Variants in CYB561A3 observed in about 807,000 individuals in gnomAD.
CYB561A3 encodes the protein lysosomal membrane ascorbate-dependent ferrireductase CYB561A3.
In CYB561A3, 16 loss-of-function variants were observed where a neutral mutation model predicts 25.3. The observed-to-expected ratio is 0.63, with a 90% CI of 0.43 to 0.96. CYB561A3 has a LOEUF of 0.96. Among genes scored for constraint, CYB561A3 ranks in the 40% least tolerant of loss-of-function variants. CYB561A3 has a pLI of 0.00. For synonymous variants in CYB561A3, 131 were observed against 129.9 expected (o/e 1.01, Z -0.06); for missense variants, 219 against 307.5 (o/e 0.71, Z 2.15).
Position 61,350,955 on chromosome 11 carries a change from C to G in CYB561A3, c.705+36G>C. 2.5e-6 allele frequency: 4 copies of G among 1,594,888 alleles called. No individual in the cohort carries two copies. In the South Asian group the frequency reaches 3.4e-5, roughly 14 times the overall value. ...GGGAGATCCTTCTCTAGACCTGGCCCTGTCCCACCCTGGAATGTGGGACTG... is the reference window on the plus strand; with the variant it reads ...GGGAGATCCTTCTCTAGACCTGGCCGTGTCCCACCCTGGAATGTGGGACTG... On this transcript the variant is annotated intron_variant, in intron 6 of 6. Transcript: ENST00000294072.
chr11:61,350,646 T>C, intron 6 of CYB561A3: 1 of 613,230 alleles, frequency 1.6e-6, no homozygotes, highest in South Asian at 2.1e-5. Context: ...CCCATCCCAC[T>C]AGACTAGCCC....
rs1857389240 is a variant in CYB561A3 at position 61,351,164 on chromosome 11, A to C, written c.549-17T>G. ...GTGTTTTTCCTGAAGATGACAAAACAATGTGAGCCCTCGAGAGATTTTTCC... is the reference window on the plus strand; with the variant it reads ...GTGTTTTTCCTGAAGATGACAAAACCATGTGAGCCCTCGAGAGATTTTTCC... On this transcript the variant is annotated splice_polypyrimidine_tract_variant and intron_variant, in intron 5 of 6. Transcript: ENST00000294072. The C allele has an allele frequency of 3.1e-6, 5 of 1,602,718 alleles. No homozygotes were observed. The highest frequency in any genetic ancestry group is 4.3e-6 in the Non-Finnish European group (5 of 1,173,878).
intron 1 of CYB561A3, chr11:61,358,502 A>T (rs1355994591): frequency 6.6e-6 from 1 of 151,696 alleles, no homozygotes; most frequent in Non-Finnish European, 1.5e-5. Context: ...CGGGCAGATC[A>T]TAAGGTCAAG....
chr11:61,349,174 C>T lies in CYB561A3; in HGVS notation c.*1225G>A. 1 of 229,872 alleles carries T rather than the reference C, an allele frequency of 4.4e-6. No individual in the cohort carries two copies. Among genetic ancestry groups the T allele is most frequent in the Non-Finnish European group, 9.0e-6 (1 of 110,506 alleles). The allele number at this position is 229,872 out of a possible 1,614,324, so 14.2% of individuals were successfully genotyped here. ...GCAACACTTAGGAGCAAGACCCTTCCCGCTCTCCACCCTATTTCCTCCCCT... is the reference window on the plus strand; with the variant it reads ...GCAACACTTAGGAGCAAGACCCTTCTCGCTCTCCACCCTATTTCCTCCCCT... On this transcript the variant is annotated 3_prime_UTR_variant, in exon 7 of 7. Transcript: ENST00000294072.
At position 61,349,213 on chromosome 11, in the gene CYB561A3, A is replaced by G. The variant is rs1857283746; in HGVS notation, c.*1186T>C. 1 of 269,144 alleles carries G rather than the reference A, an allele frequency of 3.7e-6. No individual in the cohort carries two copies. The highest frequency in any genetic ancestry group is 5.2e-5 in the South Asian group (1 of 19,136). 16.7% of individuals were successfully genotyped at this position (269,144 alleles called of 1,614,324 possible). On this transcript the variant is annotated 3_prime_UTR_variant, in exon 7 of 7. Transcript: ENST00000294072. ...ATTTCCTCCCCTGAAGAAGAGCAAC[A>G]GCTCAAGCTCTAGCATGGCACAGAA...
intron 1 of CYB561A3, chr11:61,359,258 G>T (rs1447167693): frequency 6.6e-6 from 1 of 151,748 alleles, no homozygotes; most frequent in East Asian, 1.9e-4. Context: ...AAGGTCCAAG[G>T]GCTGCAGGGA....
At chr11:61,352,886 C>A in intron 5 of CYB561A3, 99 bp downstream of exon 5, 1 of 1,587,346 alleles carries the variant, frequency 6.3e-7, no homozygotes, top group Non-Finnish European at 8.6e-7. Flanking sequence ...ACCCCAAAAT[C>A]TCTCCTCCCT....
Position 61,349,711 on chromosome 11 carries a change from C to T in CYB561A3, c.*688G>A. 1 of 693,694 alleles carries T rather than the reference C, an allele frequency of 1.4e-6. No individual in the cohort carries two copies. Among genetic ancestry groups the T allele is most frequent in the Non-Finnish European group, 2.6e-6 (1 of 378,118 alleles). 43.0% of individuals were successfully genotyped at this position (693,694 alleles called of 1,614,324 possible). A position where few individuals can be genotyped will look rare whatever the true frequency, so the allele number is the denominator to read the frequency against. On this transcript the variant is annotated 3_prime_UTR_variant, in exon 7 of 7. Coordinates refer to ENST00000294072, the MANE Select transcript of CYB561A3 (RefSeq NM_153611.6). ...AGAGCAGCAATACGAAACAGAACAG[C>T]TCAGAGCGGTCAGCTCCTCAGCAGA...
At chr11:61,356,355 C>G in intron 3 of CYB561A3, 175 bp downstream of exon 3, 1 of 843,146 alleles carries the variant, frequency 1.2e-6, no homozygotes, top group Non-Finnish European at 1.8e-6. Context: ...TTCTGAGATG[C>G]CCCCCATCTT....
At chr11:61,355,947 C>G (rs1052979241) in intron 3 of CYB561A3, 3 of 152,086 alleles carry the variant, frequency 2.0e-5, no homozygotes, top group African/African-American at 7.3e-5. Flanking sequence ...AAAAAATTAG[C>G]CGGTCACGGT....
At chr11:61,359,681 T>C (rs1016869733) in intron 1 of CYB561A3, 2 of 152,188 alleles carry the variant, frequency 1.3e-5, no homozygotes, top group African/African-American at 4.8e-5. Context: ...AATACACAGA[T>C]AAGCCCTCCT....
chr11:61,361,150 G>A (rs950103607), intron 1 of CYB561A3: 4 of 152,168 alleles, frequency 2.6e-5, no homozygotes, highest in Non-Finnish European at 5.9e-5. Flanking sequence ...TAGGATACAA[G>A]CCCTAAACCC....
At chr11:61,356,371 C>T (rs773001975) in intron 3 of CYB561A3, 159 bp downstream of exon 3, 9 of 964,206 alleles carry the variant, frequency 9.3e-6, no homozygotes, top group Middle Eastern at 8.1e-4. Flanking sequence ...ATCTTAACCC[C>T]TTCCTCCCCC....
chr11:61,351,901 G>A (rs1349079860), intron 5 of CYB561A3: 1 of 152,188 alleles, frequency 6.6e-6, no homozygotes, highest in Non-Finnish European at 1.5e-5. Context: ...GCAACAGAGT[G>A]AGATGCTATC....
intron 4 of CYB561A3, 51 bp downstream of exon 4, chr11:61,353,733 C>G (rs185871031): frequency 1.3e-6 from 2 of 1,596,120 alleles, no homozygotes; most frequent in East Asian, 4.5e-5. Flanking sequence ...GAACCCCCAA[C>G]CAGAGCTCAT....
intron 2 of CYB561A3, chr11:61,357,198 A>G (rs965460509): frequency 3.9e-6 from 6 of 1,551,306 alleles, no homozygotes; most frequent in Admixed American, 3.9e-5. Context: ...ACACCCCACT[A>G]TTACCCTAGA....
rs891379815 is a variant in CYB561A3, at chr11:61,349,865, T to C, written c.*534A>G. 1 of 561,820 alleles carries C rather than the reference T, an allele frequency of 1.8e-6. No homozygotes were observed. Among genetic ancestry groups the C allele is most frequent in the Non-Finnish European group, 3.2e-6 (1 of 311,360 alleles). 34.8% of individuals were successfully genotyped at this position (561,820 alleles called of 1,614,324 possible). On this transcript the variant is annotated 3_prime_UTR_variant, in exon 7 of 7. Coordinates refer to ENST00000294072, the MANE Select transcript of CYB561A3 (RefSeq NM_153611.6). ...CTGTGGCGGGGCAGCCTAACTGAAA[T>C]GCACACCTTTATGGGGGAAGTGGAC...
Position 61,350,058 on chromosome 11 carries a change from T to TGACGCCAAGGAGTGCA in CYB561A3, c.*325_*340dup. On this transcript the variant is annotated 3_prime_UTR_variant, in exon 7 of 7. Transcript: ENST00000294072. ...CGTGTGAATGGAGGACCTGAGAGGCTGACGCCAAGGAGTGCAGAAGCCAAA... is the reference window on the plus strand; with the variant it reads ...CGTGTGAATGGAGGACCTGAGAGGCTGACGCCAAGGAGTGCAGACGCCAAGGAGTGCAGAAGCCAAA... 1 of 516,120 alleles carries TGACGCCAAGGAGTGCA rather than the reference T, an allele frequency of 1.9e-6. No individual in the cohort carries two copies. The allele number at this position is 516,120 out of a possible 1,614,324, so 32.0% of individuals were successfully genotyped here.
chr11:61,357,499 T>A, intron 2 of CYB561A3: 1 of 424,760 alleles, frequency 2.4e-6, no homozygotes, highest in East Asian at 4.7e-5. Context: ...GCATGGCAAA[T>A]GCTTAAAGCC....
Sources: gnomAD v4.1 joint callset for allele counts on GRCh38, gnomAD v4.1.1 for gene constraint, MANE v1.5 for transcripts, NCBI Gene and HGNC (gene_info 2026-07-23, HGNC 2026-07-21) for gene names.